The following LRP1 variants were observed in gnomAD, a reference collection of about 807,000 sequenced individuals.
LRP1 encodes prolow-density lipoprotein receptor-related protein 1.
In LRP1, 51 loss-of-function variants were observed where a neutral mutation model predicts 541.5. That is an observed-to-expected ratio of 0.09 (90% confidence interval 0.08 to 0.12). The LOEUF is 0.12. LRP1 is among the 10% of genes least tolerant of loss of function. The pLI, the probability that LRP1 is intolerant of heterozygous loss-of-function variation, is 1.00. For synonymous variants in LRP1, 2,219 were observed against 2,470.8 expected (o/e 0.90, Z 3.02); for missense variants, 3,878 against 6,376.2 (o/e 0.61, Z 13.34).
chr12:57,194,824 A>C, intron 50 of LRP1, 125 bp downstream of exon 50: 1 of 1,299,216 alleles, frequency 7.7e-7, no homozygotes, highest in Non-Finnish European at 1.1e-6. Flanking sequence ...CCCACACCCC[A>C]ACTCTTGAGG....
chr12:57,132,433 G>C (rs892857477), intron 1 of LRP1, among the ~76,000 whole-genome samples: 2 of 151,962 alleles, frequency 1.3e-5, no homozygotes, highest in African/African-American at 4.8e-5. Context: ...CCCTATTCTG[G>C]GTCTCCCTTG....
chr12:57,160,882 G>A lies in LRP1; in HGVS notation c.1980-11G>A, dbSNP rs750746772. ...GGTGCCCAGGTGATGCTGACCAGTC[G>A]CTGCCCACAGGTGGATGTACTGGAC... On this transcript the variant is annotated splice_polypyrimidine_tract_variant and intron_variant, in intron 12 of 88. Coordinates refer to ENST00000243077, the MANE Select transcript of LRP1 (RefSeq NM_002332.3). The A allele has an allele frequency of 4.3e-6, 7 of 1,609,774 alleles. No homozygotes were observed. The South Asian group carries it at 4.4e-5, about 10-fold the overall frequency.
intron 2 of LRP1, among the ~76,000 whole-genome samples, chr12:57,139,420 G>A (rs915724493): frequency 6.6e-6 from 1 of 152,068 alleles, no homozygotes; most frequent in African/African-American, 2.4e-5. Flanking sequence ...GGAGGGTGGG[G>A]GCCAGGGGTA....
rs373119829 is a variant in LRP1, at chr12:57,179,953, G to A, written c.5138G>A (p.Arg1713His). 2.8e-5 allele frequency: 45 copies of A among 1,613,940 alleles called. No homozygotes were observed. The highest frequency in any genetic ancestry group is 6.7e-5 in the African/African-American group (5 of 74,942). Residue 1713 changes from arginine (R) to histidine (H), a missense_variant, in exon 30 of 89, where the codon CGT becomes CAT. Transcript: ENST00000243077. This position sits in a 1 kb window ranked among gnomAD's most constrained non-coding sequence, Gnocchi z 6.8. ...CATGGCCTTGTCGTCCACCCTCTGC[G>A]TGGGTCAGTCTAGGGCCCAGGGCCG... The part of the protein sequence containing the change: ...QPHGLVVHPL[R>H]GKLYWTDGDN...
At chr12:57,194,550 G>A in intron 49 of LRP1, 27 bp from the exon 50 acceptor site, 1 of 1,612,548 alleles carries the variant, frequency 6.2e-7, no homozygotes, top group Non-Finnish European at 8.5e-7. Context: ...CGGTGAGCAG[G>A]GCCCTCACAC....
At chr12:57,130,498 C>T (rs537097574) in intron 1 of LRP1, among the ~76,000 whole-genome samples, 2 of 151,708 alleles carry the variant, frequency 1.3e-5, no homozygotes, top group African/African-American at 2.4e-5. Context: ...GCCGCACAGC[C>T]GGCTTCTGCC....
At position 57,138,548 on chromosome 12, in the gene LRP1, T is replaced by C; in HGVS notation, c.157T>C (p.Cys53Arg). 1 of 1,614,124 alleles carries C rather than the reference T, an allele frequency of 6.2e-7. No individual in the cohort carries two copies. The highest frequency in any genetic ancestry group is 8.5e-7 in the Non-Finnish European group (1 of 1,179,970). ...CTGGCGGTGCGACGGTGAGAGGGAC[T>C]GCCCAGACGGATCTGACGAGGCCCC... ...KGWRCDGERD[C>R]PDGSDEAPEI... is the part of the protein sequence containing the mutation. Residue 53 changes from cysteine to arginine, a missense_variant, in exon 2 of 89, where the codon TGC (cysteine) becomes CGC (arginine). This residue lies in a region of LRP1 where 293 missense variants were observed against 403.7 expected (regional missense o/e 0.73). Transcript: ENST00000243077.
At position 57,204,416 on chromosome 12, in the gene LRP1, C is replaced by T. The variant is rs1460440687; in HGVS notation, c.10958C>T (p.Thr3653Ile). 13 of 1,545,350 alleles carry T rather than the reference C, an allele frequency of 8.4e-6. No homozygotes were observed. The Admixed American group carries it at 9.6e-5, about 11-fold the overall frequency. The change falls in exon 71 of 89, where the codon ACC becomes ATC. Residue 3653 changes from threonine (T) to isoleucine (I), a missense_variant. Physicochemically the swap from Thr to Ile is moderately conservative, Grantham distance 89. This residue lies in a region of LRP1 where 278 missense variants were observed against 536.3 expected (regional missense o/e 0.52). Coordinates refer to ENST00000243077, the MANE Select transcript of LRP1 (RefSeq NM_002332.3). This position sits in a 1 kb window ranked among gnomAD's most constrained non-coding sequence, Gnocchi z 5.3. ...DEEACGTGVR[T>I]CPLDEFQCNN... ...TGGCTCCCCCTGGCACCAGTGCGGA[C>T]CTGCCCCCTGGACGAGTTCCAGTGC... is the stretch of plus-strand genomic sequence containing the variant.
chr12:57,157,390 C>T (rs1013209382), intron 10 of LRP1, among the ~76,000 whole-genome samples: 1 of 152,192 alleles, frequency 6.6e-6, no homozygotes, highest in African/African-American at 2.4e-5. Context: ...GCAGGCAGAT[C>T]ACTTGAGGTG....
intron 43 of LRP1, 98 bp from the exon 44 acceptor site, chr12:57,191,222 A>T (rs944550166): frequency 1.6e-6 from 2 of 1,286,132 alleles, no homozygotes; most frequent in African/African-American, 2.9e-5. Flanking sequence ...GCGGGCCCTC[A>T]TTCTGTAGCT....
Position 57,200,826 on chromosome 12 carries a change from G to GGGCCC in LRP1, c.10225+11_10225+12insGGCCC. ...ACGAGGCCAACTGTGGTAAGGCGCT[G>GGGCCC]CCCGCCCACCCTCCCTCCTTCCCCA... is the stretch of plus-strand genomic sequence containing the variant. On this transcript the variant is annotated intron_variant, in intron 64 of 88. Transcript: ENST00000243077. The GGGCCC allele has an allele frequency of 6.3e-7, 1 of 1,581,436 alleles. No individual in the cohort carries two copies. The highest frequency in any genetic ancestry group is 8.6e-7 in the Non-Finnish European group (1 of 1,157,680).
At chr12:57,209,997 C>A (rs565868721) in intron 80 of LRP1, 32 bp from the exon 81 acceptor site, 9 of 1,588,368 alleles carry the variant, frequency 5.7e-6, no homozygotes, top group Non-Finnish European at 7.7e-6. Flanking sequence ...GGGTCCTGCT[C>A]AGCATCCTCC....
chr12:57,144,899 A>G (rs1209476338), intron 4 of LRP1, 73 bp from the exon 5 acceptor site: 26 of 1,445,706 alleles, frequency 1.8e-5, no homozygotes, highest in Non-Finnish European at 2.2e-5. Flanking sequence ...CATGTTGATC[A>G]TGTCTGATGA....
At chr12:57,181,516 C>G (rs2136706268) in intron 34 of LRP1, among the ~76,000 whole-genome samples, 1 of 152,298 alleles carries the variant, frequency 6.6e-6, no homozygotes, top group East Asian at 1.9e-4. Flanking sequence ...GAGGCATGCT[C>G]TGAGCTGGGT....
At chr12:57,145,163 G>A (rs1178357189) in intron 5 of LRP1, 63 bp downstream of exon 5, 4 of 1,613,304 alleles carry the variant, frequency 2.5e-6, no homozygotes, top group Non-Finnish European at 3.4e-6. Flanking sequence ...TCCCTGGTGG[G>A]TGGTGGCCTG....
rs75515547 is a variant in LRP1 at position 57,192,618 on chromosome 12, T to A, written c.7430-227T>A. ...TCCTCAAAGCCCACGGTGCCCTGCC[T>A]AAAAGCACACACATCCTCAACGGCA... On this transcript the variant is annotated intron_variant, in intron 44 of 88. Coordinates refer to ENST00000243077, the MANE Select transcript of LRP1 (RefSeq NM_002332.3). Among the ~76,000 whole-genome samples the A allele has an allele frequency of 1.9e-3, 293 of 152,238 alleles. 6 individuals carry two copies. In the East Asian group the frequency reaches 0.049, roughly 26 times the overall value.
At chr12:57,133,630 A>G (rs954611003) in intron 1 of LRP1, among the ~76,000 whole-genome samples, 1 of 4,842 alleles carries the variant, frequency 2.1e-4, no homozygotes, top group Non-Finnish European at 4.5e-4. Flanking sequence ...CCGCCCCCCC[A>G]CCCCACCCCC....
At position 57,156,333 on chromosome 12, in the gene LRP1, C is replaced by T. The variant is rs1466338623; in HGVS notation, c.1417+50C>T. ...CAAAGCTGGCTTTACCCCATGATGG[C>T]TCTGGGACCTTGGGATCACAGCCCC... is the stretch of plus-strand genomic sequence containing the variant. On this transcript the variant is annotated intron_variant, in intron 9 of 88. Transcript: ENST00000243077. The surrounding 1 kb of genome is among the most constrained non-coding windows in gnomAD (Gnocchi z 5.2). 9 of 1,571,926 alleles carry T rather than the reference C, an allele frequency of 5.7e-6. No individual in the cohort carries two copies. In the South Asian group the frequency reaches 6.9e-5, roughly 12 times the overall value.
Position 57,156,371 on chromosome 12 carries a change from C to G in LRP1, c.1417+88C>G. 1 of 1,321,036 alleles carries G rather than the reference C, an allele frequency of 7.6e-7. No individual in the cohort carries two copies. Among genetic ancestry groups the G allele is most frequent in the Non-Finnish European group, 1.0e-6 (1 of 967,982 alleles). The allele number at this position is 1,321,036 out of a possible 1,614,324, so 81.8% of individuals were successfully genotyped here. A position where few individuals can be genotyped will look rare whatever the true frequency, so the allele number is the denominator to read the frequency against. On this transcript the variant is annotated intron_variant, in intron 9 of 88. Coordinates refer to ENST00000243077, the MANE Select transcript of LRP1 (RefSeq NM_002332.3). This position sits in a 1 kb window ranked among gnomAD's most constrained non-coding sequence, Gnocchi z 5.2. Reference sequence around the variant, plus strand: ...GGATCACAGCCCCTCTCTGGGCCCTCCTGTGGGGACCCTGGCTTCTTTCAT... The same window carrying G: ...GGATCACAGCCCCTCTCTGGGCCCTGCTGTGGGGACCCTGGCTTCTTTCAT...
Sources: allele counts gnomAD v4.1 joint callset (sites outside exome capture counted in the v4.1 genomes callset), GRCh38; gene constraint gnomAD v4.1.1; regional missense constraint gnomAD v4.1.1; non-coding constraint Gnocchi (gnomAD v3.1); transcripts MANE v1.5; gene names NCBI Gene and HGNC (gene_info 2026-07-23, HGNC 2026-07-21).